Variants in LAMA4 observed in about 807,000 individuals in gnomAD.
The protein encoded by LAMA4 is laminin subunit alpha 4.
Under a neutral mutation model 207.1 loss-of-function variants are expected in LAMA4, and 127 were observed. The ratio of observed to expected loss-of-function variants is 0.61; its 90% CI spans 0.53 to 0.71. LAMA4 has a LOEUF of 0.71. Among genes scored for constraint, LAMA4 ranks in the 30% least tolerant of loss-of-function variants. The probability of loss-of-function intolerance (pLI) is 0.00; values close to 1 mark genes in which losing one functional copy is unlikely to be tolerated. For synonymous variants in LAMA4, 761 were observed against 816.0 expected (o/e 0.93, Z 1.15); for missense variants, 2,093 against 2,246.5 (o/e 0.93, Z 1.38).
intron 13 of LAMA4, among the ~76,000 whole-genome samples, chr6:112,163,088 C>T (rs1306750840): frequency 6.6e-6 from 1 of 151,132 alleles, no homozygotes; most frequent in Non-Finnish European, 1.5e-5. Flanking sequence ...CCTCCCATCT[C>T]AGCCTCCTGA....
intron 3 of LAMA4, among the ~76,000 whole-genome samples, chr6:112,210,200 A>G (rs74752229): frequency 0.064 from 9,490 of 148,328 alleles, 436 homozygotes; most frequent in South Asian, 0.11. Flanking sequence ...ATTCTCAGGT[A>G]CGTCTTTTTT....
intron 18 of LAMA4, 31 bp downstream of exon 18, chr6:112,148,126 A>G: frequency 1.3e-6 from 2 of 1,596,664 alleles, no homozygotes; most frequent in Non-Finnish European, 1.7e-6. Flanking sequence ...TTCCTTAATT[A>G]GATTCAAATT....
intron 19 of LAMA4, among the ~76,000 whole-genome samples, 161 bp downstream of exon 19, chr6:112,144,633 C>T (rs945710564): frequency 6.6e-6 from 1 of 152,186 alleles, no homozygotes; most frequent in African/African-American, 2.4e-5. Flanking sequence ...GTTTCGTTTT[C>T]AGTGTTCCTC....
chr6:112,134,459 A>G lies in LAMA4; in HGVS notation c.3557+8T>C. On this transcript the variant is annotated splice_region_variant and intron_variant, in intron 26 of 38. Transcript: ENST00000230538. ...AGGAACAAACAGCTACTTAACAAAA[A>G]GCCTTACCTGGATTGTAAGATTTCT... The G allele has an allele frequency of 6.2e-7, 1 of 1,613,380 alleles. No homozygotes were observed. Among genetic ancestry groups the G allele is most frequent in the African/African-American group, 1.3e-5 (1 of 75,014 alleles).
chr6:112,156,881 C>A (rs1780747374), intron 14 of LAMA4, among the ~76,000 whole-genome samples: 1 of 152,120 alleles, frequency 6.6e-6, no homozygotes, highest in Non-Finnish European at 1.5e-5. Flanking sequence ...ATCATTCTAC[C>A]CCCTCTACAA....
chr6:112,121,851 T>A, intron 32 of LAMA4, 163 bp downstream of exon 32: 1 of 653,054 alleles, frequency 1.5e-6, no homozygotes, highest in Non-Finnish European at 2.8e-6. Context: ...ATAATTCTTT[T>A]GATAGCATAA....
Position 112,140,843 on chromosome 6 carries a change from C to G in LAMA4, c.2893G>C (p.Glu965Gln). ...AGCAGAGAGTCATCTCCCGAAAATT[C>G]CCCCTTTTTAATGAACTTTTCCTCT... ...TAEEKFIKKG[E>Q]FSGDDSLLDL... is the part of the protein sequence containing the mutation. Residue 965 changes from glutamate to glutamine, a missense_variant, in exon 22 of 39, where the codon GAA (glutamate) becomes CAA (glutamine). Physicochemically the swap from Glu to Gln is conservative, Grantham distance 29. This residue lies in a region of LAMA4 where 1,704 missense variants were observed against 1,788.4 expected (regional missense o/e 0.95). Transcript: ENST00000230538. 1.2e-6 allele frequency: 2 copies of G among 1,614,014 alleles called. No homozygotes were observed. Among genetic ancestry groups the G allele is most frequent in the Non-Finnish European group, 1.7e-6 (2 of 1,179,914 alleles).
rs1787727047 is a variant in LAMA4 at position 112,254,447 on chromosome 6, G to C, written c.-142+12C>G. The C allele has an allele frequency of 2.1e-6, 1 of 474,306 alleles. No homozygotes were observed. Among genetic ancestry groups the C allele is most frequent in the Non-Finnish European group, 3.9e-6 (1 of 257,420 alleles). The allele number at this position is 474,306 out of a possible 1,614,324, so 29.4% of individuals were successfully genotyped here. A position where few individuals can be genotyped will look rare whatever the true frequency, so the allele number is the denominator to read the frequency against. ...GTTCTGGCTCAAGAACCTACAGATGGACGGAGCTTACAGTACGGCATCAAA... is the reference window on the plus strand; with the variant it reads ...GTTCTGGCTCAAGAACCTACAGATGCACGGAGCTTACAGTACGGCATCAAA... On this transcript the variant is annotated intron_variant, in intron 1 of 38. Transcript: ENST00000230538.
intron 31 of LAMA4, among the ~76,000 whole-genome samples, chr6:112,128,583 G>T (rs184180281): frequency 2.1e-4 from 32 of 152,254 alleles, no homozygotes; most frequent in Admixed American, 7.9e-4. Flanking sequence ...AGATGATTTT[G>T]AATGTTCCCA....
intron 2 of LAMA4, among the ~76,000 whole-genome samples, chr6:112,233,868 T>C (rs1785714344): frequency 6.6e-6 from 1 of 152,210 alleles, no homozygotes; most frequent in Non-Finnish European, 1.5e-5. Flanking sequence ...GAAGGATTAG[T>C]TTAATATCAG....
intron 2 of LAMA4, among the ~76,000 whole-genome samples, chr6:112,252,438 G>A (rs1397460506): frequency 6.6e-6 from 1 of 152,094 alleles, no homozygotes; most frequent in African/African-American, 2.4e-5. Flanking sequence ...TGGGATGAGA[G>A]TTACAAAAAA....
chr6:112,166,386 A>C (rs1781383736), intron 12 of LAMA4: 2 of 152,242 alleles, frequency 1.3e-5, no homozygotes, highest in South Asian at 4.1e-4. Flanking sequence ...ATCTGAGATC[A>C]ATTATTCTTA....
At chr6:112,162,421 G>A (rs1019805994) in intron 13 of LAMA4, among the ~76,000 whole-genome samples, 2 of 151,972 alleles carry the variant, frequency 1.3e-5, no homozygotes, top group Admixed American at 6.6e-5. Flanking sequence ...GCAGTGAGCC[G>A]AGATCACTCC....
chr6:112,191,518 G>T, intron 6 of LAMA4, 118 bp downstream of exon 6: 1 of 763,386 alleles, frequency 1.3e-6, no homozygotes, highest in Non-Finnish European at 2.3e-6. Context: ...ACATTGCCCT[G>T]GGAAAGTGAC....
At chr6:112,127,631 C>A (rs188713152) in intron 31 of LAMA4, among the ~76,000 whole-genome samples, 50 of 151,796 alleles carry the variant, frequency 3.3e-4, no homozygotes, top group Admixed American at 2.9e-3. Context: ...AGTCGGGGGG[C>A]CATTTGAGCA....
chr6:112,152,508 C>T (rs1450567731), intron 16 of LAMA4, among the ~76,000 whole-genome samples: 3 of 152,060 alleles, frequency 2.0e-5, no homozygotes, highest in African/African-American at 7.2e-5. Context: ...ATCAACTTTG[C>T]CAGTAATTCT....
chr6:112,147,117 T>G (rs572129151), intron 18 of LAMA4, among the ~76,000 whole-genome samples: 1 of 152,150 alleles, frequency 6.6e-6, no homozygotes, highest in Non-Finnish European at 1.5e-5. Flanking sequence ...TTTTGAAACT[T>G]CTGGATGCTT....
At chr6:112,116,692 G>C (rs587759121) in intron 35 of LAMA4, among the ~76,000 whole-genome samples, 67 of 152,196 alleles carry the variant, frequency 4.4e-4, no homozygotes, top group Non-Finnish European at 4.0e-4. Context: ...TTGCAAACCA[G>C]GGCATCTAAA....
chr6:112,159,073 T>C, intron 13 of LAMA4, 193 bp from the exon 14 acceptor site: 1 of 571,644 alleles, frequency 1.7e-6, no homozygotes, highest in Non-Finnish European at 3.1e-6. Flanking sequence ...TCTGTATTGA[T>C]TGCTTCCCTA....
Sources: allele counts gnomAD v4.1 joint callset (sites outside exome capture counted in the v4.1 genomes callset), GRCh38; gene constraint gnomAD v4.1.1; regional missense constraint gnomAD v4.1.1; transcripts MANE v1.5; gene names NCBI Gene and HGNC (gene_info 2026-07-23, HGNC 2026-07-21).